Variants in CNTN3 observed in about 807,000 individuals in gnomAD.
CNTN3 encodes contactin 3, also known as contactin-3.
CNTN3 carries 60 observed loss-of-function variants against 119.1 expected under a neutral mutation model. The ratio of observed to expected loss-of-function variants is 0.50; its 90% CI spans 0.41 to 0.62. CNTN3 has a LOEUF of 0.62. Ranked by LOEUF, CNTN3 falls within the 20% of genes least tolerant of loss-of-function variation. The probability of loss-of-function intolerance (pLI) is 0.00; values close to 1 mark genes in which losing one functional copy is unlikely to be tolerated. For synonymous variants in CNTN3, 450 were observed against 438.7 expected (o/e 1.03, Z -0.32); for missense variants, 1,101 against 1,242.4 (o/e 0.89, Z 1.71).
chr3:74,579,305 T>C (rs140953815), intron 1 of CNTN3, among the ~76,000 whole-genome samples: 62 of 151,968 alleles, frequency 4.1e-4, no homozygotes, highest in African/African-American at 1.5e-3. Flanking sequence ...ACAATAATAG[T>C]TGAAGACTTT....
intron 1 of CNTN3, among the ~76,000 whole-genome samples, chr3:74,557,764 G>A (rs1223153332): frequency 6.7e-6 from 1 of 150,278 alleles, no homozygotes; most frequent in Non-Finnish European, 1.5e-5. Context: ...CAGTCAGAGA[G>A]AGCTTGGAAT....
chr3:74,490,465 A>G (rs1702942281), intron 3 of CNTN3, among the ~76,000 whole-genome samples: 1 of 152,216 alleles, frequency 6.6e-6, no homozygotes, highest in Non-Finnish European at 1.5e-5. Context: ...TTTTCTGTTT[A>G]GCTGAAGAAT....
chr3:74,544,272 T>C (rs979763598), intron 1 of CNTN3, among the ~76,000 whole-genome samples: 3 of 152,214 alleles, frequency 2.0e-5, no homozygotes, highest in African/African-American at 7.2e-5. Flanking sequence ...ACTGAATAGC[T>C]CAAGAATATA....
intron 11 of CNTN3, among the ~76,000 whole-genome samples, chr3:74,342,023 C>T (rs1375749992): frequency 1.7e-4 from 26 of 152,168 alleles, no homozygotes; most frequent in African/African-American, 5.5e-4. Flanking sequence ...AATAACAAGG[C>T]TCTTTTAGAT....
intron 5 of CNTN3, among the ~76,000 whole-genome samples, chr3:74,376,701 C>A (rs1704482981): frequency 6.6e-6 from 1 of 152,036 alleles, no homozygotes; most frequent in Non-Finnish European, 1.5e-5. Context: ...TGACACCCAC[C>A]CCAGTCCATG....
At chr3:74,486,418 T>A in intron 4 of CNTN3, 38 bp downstream of exon 4, 1 of 1,537,926 alleles carries the variant, frequency 6.5e-7, no homozygotes, top group Non-Finnish European at 8.7e-7. Context: ...ACATATTTTC[T>A]AATGTTGGAT....
chr3:74,594,557 C>T (rs1440986788), intron 1 of CNTN3, among the ~76,000 whole-genome samples: 2 of 150,994 alleles, frequency 1.3e-5, no homozygotes, highest in Non-Finnish European at 2.9e-5. Context: ...GGTTTTTTGT[C>T]CTTGTGATAG....
intron 3 of CNTN3, among the ~76,000 whole-genome samples, chr3:74,497,401 T>C (rs1268402114): frequency 6.6e-6 from 1 of 151,944 alleles, no homozygotes; most frequent in Non-Finnish European, 1.5e-5. Context: ...CATTATTCCA[T>C]ATCCCATTTA....
chr3:74,285,788 GAGAT>G (rs1452349238), intron 19 of CNTN3, among the ~76,000 whole-genome samples: 1 of 84,656 alleles, frequency 1.2e-5, no homozygotes, highest in South Asian at 4.6e-4. Context: ...GAATGAAGGG[GAGAT>G]ATATATATAT....
At chr3:74,302,441 A>G (rs1289216665) in intron 14 of CNTN3, among the ~76,000 whole-genome samples, 1 of 152,244 alleles carries the variant, frequency 6.6e-6, no homozygotes, top group Non-Finnish European at 1.5e-5. Flanking sequence ...GACATGCTCA[A>G]GAACACATCA....
intron 3 of CNTN3, among the ~76,000 whole-genome samples, chr3:74,491,592 T>C (rs1430711308): frequency 2.0e-5 from 3 of 152,206 alleles, no homozygotes; most frequent in African/African-American, 7.2e-5. Context: ...GTCCAATAAA[T>C]CTTCAAATTA....
chr3:74,587,864 T>A (rs566775551), intron 1 of CNTN3, among the ~76,000 whole-genome samples: 1 of 152,202 alleles, frequency 6.6e-6, no homozygotes, highest in Non-Finnish European at 1.5e-5. Flanking sequence ...GGCATCCCTG[T>A]CTTGTGCCAG....
intron 4 of CNTN3, among the ~76,000 whole-genome samples, chr3:74,430,814 T>G (rs1264265888): frequency 6.6e-6 from 1 of 152,072 alleles, no homozygotes; most frequent in Non-Finnish European, 1.5e-5. Flanking sequence ...AATTAAAAAA[T>G]AATAAGCAAG....
chr3:74,308,808 T>C (rs968375318), intron 13 of CNTN3, among the ~76,000 whole-genome samples: 1 of 152,190 alleles, frequency 6.6e-6, no homozygotes, highest in African/African-American at 2.4e-5. Context: ...TAATTTTTCT[T>C]AAACTGATTA....
intron 1 of CNTN3, among the ~76,000 whole-genome samples, chr3:74,543,703 C>A (rs1287796336): frequency 1.3e-5 from 2 of 152,074 alleles, no homozygotes; most frequent in Admixed American, 6.6e-5. Context: ...GGGTCACAGT[C>A]ATCAAGGCAG....
chr3:74,381,224 G>A (rs1704616156), intron 5 of CNTN3, among the ~76,000 whole-genome samples: 1 of 151,584 alleles, frequency 6.6e-6, no homozygotes, highest in African/African-American at 2.4e-5. Flanking sequence ...TATTTTTTCT[G>A]AATGATAACT....
At chr3:74,360,957 T>C (rs1704059741) in intron 11 of CNTN3, among the ~76,000 whole-genome samples, 1 of 152,108 alleles carries the variant, frequency 6.6e-6, no homozygotes, top group South Asian at 2.1e-4. Context: ...GCTAAGACTT[T>C]AGTTCCATCC....
At chr3:74,589,113 A>C (rs1305263674) in intron 1 of CNTN3, among the ~76,000 whole-genome samples, 2 of 149,580 alleles carry the variant, frequency 1.3e-5, no homozygotes, top group Non-Finnish European at 3.0e-5. Flanking sequence ...AATGGGATCT[A>C]ATTAAACTAA....
intron 4 of CNTN3, among the ~76,000 whole-genome samples, chr3:74,473,527 C>T (rs549367334): frequency 4.6e-5 from 7 of 152,270 alleles, no homozygotes; most frequent in African/African-American, 1.2e-4. Context: ...TTTGGTAATA[C>T]GGTCCTGCAT....
Sources: gnomAD v4.1 joint callset for allele counts (sites outside exome capture counted in the v4.1 genomes callset) on GRCh38, gnomAD v4.1.1 for gene constraint, MANE v1.5 for transcripts, NCBI Gene and HGNC (gene_info 2026-07-23, HGNC 2026-07-21) for gene names.